Variants in ULK1 observed in about 807,000 individuals in gnomAD.
ULK1 encodes unc-51 like autophagy activating kinase 1.
ULK1 carries 48 observed loss-of-function variants against 117.5 expected under a neutral mutation model. The ratio of observed to expected loss-of-function variants is 0.41; its 90% CI spans 0.32 to 0.52. The LOEUF (loss-of-function observed/expected upper bound fraction) is 0.52. Among genes scored for constraint, ULK1 ranks in the 20% least tolerant of loss-of-function variants. ULK1 has a pLI of 0.29. For synonymous variants in ULK1, 790 were observed against 637.8 expected, an observed-to-expected ratio of 1.24 and a Z score of -3.60; for missense variants, 1,387 against 1,473.4, an observed-to-expected ratio of 0.94 and a Z score of 0.96.
chr12:131,920,313 G>A, intron 26 of ULK1, 177 bp downstream of exon 26: 5 of 791,776 alleles, frequency 6.3e-6, no homozygotes, highest in Non-Finnish European at 9.7e-6. Context: ...TCGCAGCTCG[G>A]CTGGGTGCAT....
chr12:131,921,257 G>T, intron 27 of ULK1, 22 bp downstream of exon 27: 1 of 1,608,086 alleles, frequency 6.2e-7, no homozygotes, highest in Non-Finnish European at 8.5e-7. Flanking sequence ...GCTGGGCTGG[G>T]GGCTGGGGAC....
chr12:131,913,390 TCA>T, intron 14 of ULK1, 132 bp downstream of exon 14: 1 of 894,252 alleles, frequency 1.1e-6, no homozygotes, highest in South Asian at 2.8e-5. Context: ...AGACTCTGTC[TCA>T]AAAAAAAAAA....
chr12:131,917,409 A>G lies in ULK1; in HGVS notation c.2183-2A>G. On this transcript the variant is annotated splice_acceptor_variant, in intron 21 of 27. Coordinates refer to ENST00000321867, the MANE Select transcript of ULK1 (RefSeq NM_003565.4). LOFTEE classifies it high-confidence loss of function. ...CTCCTGAGCCCTTCCTTGCTCTCCC[A>G]GCACCCTCAGCTGGCTTTGGAGGGA... 7.9e-6 allele frequency: 12 copies of G among 1,510,546 alleles called. No homozygotes were observed. Among genetic ancestry groups the G allele is most frequent in the Middle Eastern group, 1.9e-4 (1 of 5,152 alleles). The allele number at this position is 1,510,546 out of a possible 1,614,324, so 93.6% of individuals were successfully genotyped here.
intron 15 of ULK1, 27 bp from the exon 16 acceptor site, chr12:131,914,325 C>G (rs760158872): frequency 6.2e-7 from 1 of 1,604,464 alleles, no homozygotes; most frequent in Non-Finnish European, 8.5e-7. Context: ...CAGTGTCTGT[C>G]ATGATCCTGA....
At position 131,908,567 on chromosome 12, in the gene ULK1, G is replaced by A. The variant is rs865792904; in HGVS notation, c.317-77G>A. On this transcript the variant is annotated intron_variant, in intron 5 of 27. Coordinates refer to ENST00000321867, the MANE Select transcript of ULK1 (RefSeq NM_003565.4). ...CTGGCGCTCTCCATCCGTGTGGCGG[G>A]ACCGGCCTGGCTGCGCGGGACTCAC... is the stretch of plus-strand genomic sequence containing the variant. The A allele has an allele frequency of 1.7e-4, 240 of 1,406,066 alleles. 1 individual carries two copies. The highest frequency in any genetic ancestry group is 1.4e-3 in the Middle Eastern group (6 of 4,266). 87.1% of individuals were successfully genotyped at this position (1,406,066 alleles called of 1,614,324 possible).
intron 16 of ULK1, 151 bp from the exon 17 acceptor site, chr12:131,914,932 C>T: frequency 5.9e-6 from 7 of 1,185,672 alleles, no homozygotes; most frequent in Non-Finnish European, 8.0e-6. Context: ...GATGAGCCAT[C>T]TGTCAGCACT....
In ULK1 at chr12:131,915,904, C is replaced by T. The variant is rs761212618; in HGVS notation, c.1623C>T (p.Pro541=). The T allele has an allele frequency of 1.7e-5, 27 of 1,611,204 alleles. No homozygotes were observed. The highest frequency in any genetic ancestry group is 4.5e-5 in the East Asian group (2 of 44,896). The change falls in exon 19 of 28, where the codon CCC becomes CCT. Residue 541 remains proline, a synonymous_variant. Coordinates refer to ENST00000321867, the MANE Select transcript of ULK1 (RefSeq NM_003565.4). ...GTCTCTCTCTAGGCTCCTCTGCACC[C>T]GAGCACTCTCCCCGCACTTCCGGGC... The part of the protein sequence containing the change: ...GRSPRPGSSA[P]EHSPRTSGLG...
At position 131,895,076 on chromosome 12, in the gene ULK1, C is replaced by G. The variant is rs1485299653; in HGVS notation, c.75C>G (p.Gly25=). 1 of 1,579,586 alleles carries G rather than the reference C, an allele frequency of 6.3e-7. No individual in the cohort carries two copies. Among genetic ancestry groups the G allele is most frequent in the Non-Finnish European group, 8.5e-7 (1 of 1,169,930 alleles). ...CCCGCAAGGACCTGATCGGCCACGG[C>G]GCCTTCGCGGTGGTCTTCAAGGGCC... ...EFSRKDLIGH[G]AFAVVFKGRH... The change falls in exon 1 of 28, where the codon GGC becomes GGG. Residue 25 remains glycine (G), a synonymous_variant. Coordinates refer to ENST00000321867, the MANE Select transcript of ULK1 (RefSeq NM_003565.4).
intron 20 of ULK1, 90 bp from the exon 21 acceptor site, chr12:131,916,863 C>G: frequency 1.6e-6 from 2 of 1,213,014 alleles, no homozygotes; most frequent in Non-Finnish European, 2.3e-6. Context: ...GACCGTGCAT[C>G]ATGTGTGTCT....
intron 26 of ULK1, 104 bp downstream of exon 26, chr12:131,920,240 G>A: frequency 7.0e-7 from 1 of 1,427,162 alleles, no homozygotes; most frequent in Non-Finnish European, 9.4e-7. Flanking sequence ...GAGACTTTGG[G>A]GGGTGTCACT....
chr12:131,922,448 TTTG>T lies in ULK1; in HGVS notation c.*1088_*1090del. ...CATGTGCAAAAGCTCCCCGTCCAGC[TTTG>T]ACAGTCAGTTTTGATGTCAGCTCCT... is the stretch of plus-strand genomic sequence containing the variant. On this transcript the variant is annotated 3_prime_UTR_variant, in exon 28 of 28. Transcript: ENST00000321867. 3.8e-5 allele frequency: 7 copies of T among 185,422 alleles called. No individual in the cohort carries two copies. Among genetic ancestry groups the T allele is most frequent in the South Asian group, 2.7e-4 (3 of 11,040 alleles). The allele number at this position is 185,422 out of a possible 1,614,324, so 11.5% of individuals were successfully genotyped here.
intron 4 of ULK1, 104 bp downstream of exon 4, chr12:131,907,028 T>G: frequency 7.2e-7 from 1 of 1,396,990 alleles, no homozygotes; most frequent in South Asian, 1.2e-5. Flanking sequence ...GCACCTTTTC[T>G]TTTTTTTTGA....
At chr12:131,895,541 G>A in intron 1 of ULK1, 60 bp from the exon 2 acceptor site, 1 of 1,439,950 alleles carries the variant, frequency 6.9e-7, no homozygotes, top group Non-Finnish European at 9.7e-7. Context: ...TGTGGACTGG[G>A]GTCTGGGGGA....
intron 4 of ULK1, 56 bp from the exon 5 acceptor site, chr12:131,907,439 C>A: frequency 6.3e-7 from 1 of 1,598,236 alleles, no homozygotes; most frequent in Non-Finnish European, 8.5e-7. Flanking sequence ...CTGGGCAGGG[C>A]TGGGAGGTGG....
Position 131,916,539 on chromosome 12 carries a change from C to A in ULK1, c.2020C>A (p.Pro674Thr). 6.2e-7 allele frequency: 1 copy of A among 1,609,452 alleles called. No individual in the cohort carries two copies. Among genetic ancestry groups the A allele is most frequent in the Non-Finnish European group, 8.5e-7 (1 of 1,179,354 alleles). ...LSEVGPFHGQ[P>T]LGPGLRPGED... Reference sequence around the variant, plus strand: ...GGAGGTGGGACCCTTCCATGGTCAGCCGTTGGGCCCTGGCCTGCGGCCAGG... The same window carrying A: ...GGAGGTGGGACCCTTCCATGGTCAGACGTTGGGCCCTGGCCTGCGGCCAGG... Residue 674 changes from proline (P) to threonine (T), a missense_variant, in exon 20 of 28, where the codon CCG becomes ACG. This residue lies in a region of ULK1 where 900 missense variants were observed against 858.9 expected (regional missense o/e 1.05). Coordinates refer to ENST00000321867, the MANE Select transcript of ULK1 (RefSeq NM_003565.4).
In ULK1 at chr12:131,910,772, G is replaced by C. The variant is rs533414058; in HGVS notation, c.920G>C (p.Ser307Thr). The change falls in exon 12 of 28, where the codon AGC (serine) becomes ACC (threonine). Residue 307 changes from serine to threonine, a missense_variant. Physicochemically the swap from Ser to Thr is moderately conservative, Grantham distance 58. Coordinates refer to ENST00000321867, the MANE Select transcript of ULK1 (RefSeq NM_003565.4). ...SSGSGSSSSS[S>T]STSHLASPPS... The stretch of plus-strand genomic sequence containing the variant: ...GGGTCCGGCAGCAGCTCCAGCAGCA[G>C]CTCCACCTCCCACCTGGCCTCCCCG... 2.5e-6 allele frequency: 4 copies of C among 1,612,732 alleles called. No homozygotes were observed. Among genetic ancestry groups the C allele is most frequent in the Admixed American group, 3.3e-5 (2 of 60,016 alleles).
rs556536348 is a variant in ULK1 at position 131,917,537 on chromosome 12, G to A, written c.2309G>A (p.Arg770His). 211 of 1,439,172 alleles carry A rather than the reference G, an allele frequency of 1.5e-4. No individual in the cohort carries two copies. The highest frequency in any genetic ancestry group is 2.9e-4 in the Admixed American group (11 of 38,388). The allele number at this position is 1,439,172 out of a possible 1,614,324, so 89.2% of individuals were successfully genotyped here. ...PSGSTPPQGPRTRMFSAGPTG... is the reference protein window; with the variant it reads ...PSGSTPPQGPHTRMFSAGPTG... The stretch of plus-strand genomic sequence containing the variant: ...GGGAGCACGCCCCCCCAGGGCCCCC[G>A]CACCAGGATGTTCTCAGGTGAGGGC... Residue 770 changes from arginine to histidine, a missense_variant, in exon 22 of 28, where the codon CGC becomes CAC. Arg to His is a conservative substitution (Grantham distance 29). This residue lies in a region of ULK1 where 900 missense variants were observed against 858.9 expected (regional missense o/e 1.05). Coordinates refer to ENST00000321867, the MANE Select transcript of ULK1 (RefSeq NM_003565.4).
At chr12:131,909,348 G>A (rs1182472837) in intron 8 of ULK1, 111 bp downstream of exon 8, 6 of 1,265,684 alleles carry the variant, frequency 4.7e-6, no homozygotes, top group East Asian at 5.3e-5. Context: ...CTCCCCTCGG[G>A]TCCTGGCTGG....
At chr12:131,907,027 CT>C (rs138762002) in intron 4 of ULK1, 103 bp downstream of exon 4, 475 of 1,492,312 alleles carry the variant, frequency 3.2e-4, no homozygotes, top group Admixed American at 5.4e-4. Context: ...AGCACCTTTT[CT>C]TTTTTTTTGA....
Sources: gnomAD v4.1 joint callset for allele counts on GRCh38, gnomAD v4.1.1 for gene constraint, gnomAD v4.1.1 regional missense constraint, MANE v1.5 for transcripts, NCBI Gene and HGNC (gene_info 2026-07-23, HGNC 2026-07-21) for gene names.